LRMDA: variants seen among roughly 807,000 people sequenced by gnomAD.
The protein encoded by LRMDA is leucine-rich melanocyte differentiation-associated protein.
In LRMDA, 18 loss-of-function variants were observed where a neutral mutation model predicts 29.8. That is an observed-to-expected ratio of 0.60 (90% CI 0.42 to 0.90). The LOEUF is 0.90. Ranked by LOEUF, LRMDA falls within the 40% of genes least tolerant of loss-of-function variation. LRMDA has a pLI of 0.00. For missense variants in LRMDA, 273 were observed against 273.9 expected (o/e 1.00, Z 0.02); for synonymous variants, 125 against 109.4 (o/e 1.14, Z -0.89).
At chr10:76,157,761 G>C (rs565661079) in intron 5 of LRMDA, among the ~76,000 whole-genome samples, 2 of 152,100 alleles carry the variant, frequency 1.3e-5, no homozygotes, top group African/African-American at 4.8e-5. Context: ...ACTTAGCAAT[G>C]GGGATACATT....
At chr10:76,460,662 C>T (rs947048328) in intron 6 of LRMDA, among the ~76,000 whole-genome samples, 8 of 152,184 alleles carry the variant, frequency 5.3e-5, no homozygotes, top group Non-Finnish European at 8.8e-5. Context: ...GGTGGTCACA[C>T]AGAAGTGTAA....
chr10:76,252,451 A>G (rs1280281198), intron 5 of LRMDA, among the ~76,000 whole-genome samples: 2 of 152,222 alleles, frequency 1.3e-5, no homozygotes, highest in Admixed American at 6.5e-5. Flanking sequence ...AAGCAGATGC[A>G]TCAACTCTTG....
rs565562116 is a variant in LRMDA, at chr10:75,783,116, A to T, written c.132-252892A>T. ...GATGAAGGCTGGCTGTCAGGGTAGG[A>T]CTTGATGAGCGAGATGATTGATCTG... On this transcript the variant is annotated intron_variant, in intron 2 of 6. Transcript: ENST00000611255. 1.1e-4 allele frequency: 158 copies of T among 1,441,000 alleles called. 1 individual carries two copies. In the South Asian group the frequency reaches 1.7e-3, roughly 16 times the overall value. The allele number at this position is 1,441,000 out of a possible 1,614,324, so 89.3% of individuals were successfully genotyped here. A position where few individuals can be genotyped will look rare whatever the true frequency, so the allele number is the denominator to read the frequency against.
chr10:76,495,533 T>A (rs1842873453), intron 6 of LRMDA, among the ~76,000 whole-genome samples: 3 of 151,858 alleles, frequency 2.0e-5, no homozygotes, highest in African/African-American at 7.2e-5. Flanking sequence ...TATTGACAAT[T>A]TGATAGGCAT....
intron 2 of LRMDA, among the ~76,000 whole-genome samples, chr10:75,621,694 T>C (rs1359479551): frequency 1.3e-5 from 2 of 152,142 alleles, no homozygotes; most frequent in Non-Finnish European, 2.9e-5. Context: ...GCACAGCAGT[T>C]CATCCAGACA....
chr10:76,461,135 AAC>A (rs1842507918), intron 6 of LRMDA, among the ~76,000 whole-genome samples: 1 of 152,140 alleles, frequency 6.6e-6, no homozygotes, highest in Non-Finnish European at 1.5e-5. Flanking sequence ...CATTGTAGCA[AAC>A]ACACATTTTT....
chr10:75,860,311 G>GTTT (rs56875392), intron 2 of LRMDA, among the ~76,000 whole-genome samples: 2 of 69,270 alleles, frequency 2.9e-5, no homozygotes, highest in Non-Finnish European at 2.5e-5. Context: ...GATGTTTCTG[G>GTTT]TTTTTTTTTT....
In LRMDA at chr10:76,014,130, A is replaced by ATATATATATATAAAAT. The variant is rs1486324423; in HGVS notation, c.132-21866_132-21865insAAATTATATATATATA. ...AGTATATATATATATATATAATTAT[A>ATATATATATATAAAAT]TATATATATATATAATTATATATAT... On this transcript the variant is annotated intron_variant, in intron 2 of 6. Coordinates refer to ENST00000611255, the MANE Select transcript of LRMDA (RefSeq NM_001305581.2). Among the ~76,000 whole-genome samples the ATATATATATATAAAAT allele has an allele frequency of 2.6e-3, 358 of 136,656 alleles. 1 individual carries two copies. Among genetic ancestry groups the ATATATATATATAAAAT allele is most frequent in the South Asian group, 4.8e-3 (21 of 4,406 alleles). 89.7% of individuals were successfully genotyped at this position (136,656 alleles called of 152,430 possible). A position where few individuals can be genotyped will look rare whatever the true frequency, so the allele number is the denominator to read the frequency against.
chr10:75,438,060 T>C (rs1160928880), intron 1 of LRMDA, among the ~76,000 whole-genome samples: 1 of 152,170 alleles, frequency 6.6e-6, no homozygotes, highest in East Asian at 1.9e-4. Flanking sequence ...CAAAAGCCCC[T>C]GAGTGAGAGG....
intron 2 of LRMDA, among the ~76,000 whole-genome samples, chr10:75,656,595 C>G (rs1404404247): frequency 6.6e-6 from 1 of 152,126 alleles, no homozygotes; most frequent in Non-Finnish European, 1.5e-5. Context: ...TGTTTGTCCC[C>G]CATTATTCCT....
intron 5 of LRMDA, among the ~76,000 whole-genome samples, chr10:76,063,534 G>A (rs947074744): frequency 5.9e-5 from 9 of 151,992 alleles, no homozygotes; most frequent in Non-Finnish European, 7.4e-5. Context: ...GTGTGCCTAC[G>A]TTTTGATACT....
intron 3 of LRMDA, among the ~76,000 whole-genome samples, chr10:76,038,805 A>G (rs1848295159): frequency 6.6e-6 from 1 of 152,220 alleles, no homozygotes; most frequent in Non-Finnish European, 1.5e-5. Flanking sequence ...TTGCTGCATA[A>G]TAATCCACCC....
chr10:75,805,787 G>C (rs1420012868), intron 2 of LRMDA, among the ~76,000 whole-genome samples: 1 of 152,126 alleles, frequency 6.6e-6, no homozygotes, highest in Non-Finnish European at 1.5e-5. Flanking sequence ...TTTGTGACTT[G>C]AGTTCCCGTT....
At chr10:76,080,269 A>G (rs927282880) in intron 5 of LRMDA, among the ~76,000 whole-genome samples, 3 of 152,166 alleles carry the variant, frequency 2.0e-5, no homozygotes, top group Non-Finnish European at 2.9e-5. Context: ...TTTAAGCCAT[A>G]TTATATTTTC....
chr10:76,238,476 C>T (rs1852203490), intron 5 of LRMDA, among the ~76,000 whole-genome samples: 1 of 151,736 alleles, frequency 6.6e-6, no homozygotes, highest in Admixed American at 6.6e-5. Flanking sequence ...AAGGACCCCC[C>T]CGCCCTCCCA....
At chr10:75,600,361 C>G (rs924742040) in intron 2 of LRMDA, among the ~76,000 whole-genome samples, 1 of 152,178 alleles carries the variant, frequency 6.6e-6, no homozygotes, top group African/African-American at 2.4e-5. Flanking sequence ...AGTCCATTGG[C>G]CCTGTCCCCT....
At chr10:76,078,856 A>T (rs982495442) in intron 5 of LRMDA, among the ~76,000 whole-genome samples, 2 of 61,794 alleles carry the variant, frequency 3.2e-5, no homozygotes, top group African/African-American at 8.8e-5. Context: ...CAAACAAACA[A>T]AAAAAATGGA....
intron 2 of LRMDA, among the ~76,000 whole-genome samples, chr10:75,887,168 A>G (rs986281895): frequency 1.3e-5 from 2 of 149,928 alleles, no homozygotes; most frequent in African/African-American, 4.9e-5. Context: ...ATATTTATAT[A>G]TAAATATATG....
intron 2 of LRMDA, among the ~76,000 whole-genome samples, chr10:75,878,849 T>C (rs911811744): frequency 7.9e-5 from 12 of 152,158 alleles, no homozygotes; most frequent in African/African-American, 2.9e-4. Flanking sequence ...CTCAGAGCTC[T>C]GGAGACTGTC....
Sources: allele counts gnomAD v4.1 joint callset (sites outside exome capture counted in the v4.1 genomes callset), GRCh38; gene constraint gnomAD v4.1.1; transcripts MANE v1.5; gene names NCBI Gene and HGNC (gene_info 2026-07-23, HGNC 2026-07-21).